Variants in CAMTA1 observed in about 807,000 individuals in gnomAD.
CAMTA1 encodes calmodulin binding transcription activator 1.
CAMTA1 carries 27 observed loss-of-function variants against 170.9 expected under a neutral mutation model. That is an observed-to-expected ratio of 0.16 (90% CI 0.12 to 0.22). The LOEUF is 0.22. Among genes scored for constraint, CAMTA1 ranks in the 10% least tolerant of loss-of-function variants. CAMTA1 has a pLI of 1.00. For missense variants in CAMTA1, 1,619 were observed against 2,217.2 expected, an observed-to-expected ratio of 0.73 and a Z score of 5.42; for synonymous variants, 833 against 891.5, an observed-to-expected ratio of 0.93 and a Z score of 1.17.
intron 5 of CAMTA1, among the ~76,000 whole-genome samples, chr1:7,264,712 C>G (rs1558327803): frequency 6.6e-6 from 1 of 152,130 alleles, no homozygotes; most frequent in East Asian, 1.9e-4. Flanking sequence ...AACTCATTAT[C>G]TTTGTTTATA....
chr1:7,758,929 T>C (rs1161803684), intron 22 of CAMTA1, among the ~76,000 whole-genome samples: 2 of 78,228 alleles, frequency 2.6e-5, no homozygotes, highest in African/African-American at 5.4e-5. Context: ...AGCGAGACTC[T>C]GTCTCAAAAA....
chr1:7,135,202 C>A (rs1645474288), intron 4 of CAMTA1, among the ~76,000 whole-genome samples: 1 of 152,086 alleles, frequency 6.6e-6, no homozygotes, highest in Non-Finnish European at 1.5e-5. Flanking sequence ...GCCCGGCCAT[C>A]ATGGTGAAAC....
At chr1:7,342,065 ATT>A (rs1187377182) in intron 5 of CAMTA1, among the ~76,000 whole-genome samples, 1 of 152,204 alleles carries the variant, frequency 6.6e-6, no homozygotes, top group Non-Finnish European at 1.5e-5. Context: ...TTATCACTGT[ATT>A]TTACAAATGC....
At chr1:6,866,645 A>G (rs1332477574) in intron 3 of CAMTA1, among the ~76,000 whole-genome samples, 1 of 152,232 alleles carries the variant, frequency 6.6e-6, no homozygotes, top group Non-Finnish European at 1.5e-5. Flanking sequence ...GGAAGAAAAA[A>G]ATTTAAGCAT....
At chr1:7,737,186 C>T in intron 14 of CAMTA1, 69 bp from the exon 15 acceptor site, 1 of 1,507,634 alleles carries the variant, frequency 6.6e-7, no homozygotes, top group Non-Finnish European at 9.1e-7. Context: ...CAGTTGGCAG[C>T]AATGGCAAAA....
intron 3 of CAMTA1, among the ~76,000 whole-genome samples, chr1:7,037,506 A>C (rs573260935): frequency 6.6e-5 from 10 of 152,284 alleles, no homozygotes; most frequent in Admixed American, 2.6e-4. Context: ...GCTTTATGCT[A>C]CTTCGAAAAA....
In CAMTA1 at chr1:7,738,581, G is replaced by T; in HGVS notation, c.4182+99G>T. 7.4e-7 allele frequency: 1 copy of T among 1,354,088 alleles called. No individual in the cohort carries two copies. The allele number at this position is 1,354,088 out of a possible 1,614,324, so 83.9% of individuals were successfully genotyped here. A position where few individuals can be genotyped will look rare whatever the true frequency, so the allele number is the denominator to read the frequency against. Reference sequence around the variant, plus strand: ...CGAAGGTTGTGTCATTTTCCTCCCCGTGAAGCCTTCGAAGTTGGCTTTGTG... The same window carrying T: ...CGAAGGTTGTGTCATTTTCCTCCCCTTGAAGCCTTCGAAGTTGGCTTTGTG... On this transcript the variant is annotated intron_variant, in intron 16 of 22. Coordinates refer to ENST00000303635, the MANE Select transcript of CAMTA1 (RefSeq NM_015215.4). The surrounding 1 kb of genome is among the most constrained non-coding windows in gnomAD (Gnocchi z 4.9).
rs753385495 is a variant in CAMTA1 at position 7,738,350 on chromosome 1, T to C, written c.4050T>C (p.Pro1350=). ...CCAGTGTAGGAAAGGAGGCAGCACC[T>C]TCACAGGTGCGTCCACGGGAACCAA... ...KGTSVGKEAA[P]SQVRPREPMS... Residue 1350 remains proline (P), a synonymous_variant, in exon 16 of 23, where the codon CCT becomes CCC. Coordinates refer to ENST00000303635, the MANE Select transcript of CAMTA1 (RefSeq NM_015215.4). The surrounding 1 kb of genome is among the most constrained non-coding windows in gnomAD (Gnocchi z 4.9). 3.7e-6 allele frequency: 6 copies of C among 1,614,084 alleles called. No homozygotes were observed. In the African/African-American group the frequency reaches 5.3e-5, roughly 14 times the overall value.
intron 5 of CAMTA1, among the ~76,000 whole-genome samples, chr1:7,354,384 C>T (rs1354295353): frequency 6.6e-6 from 1 of 152,004 alleles, no homozygotes; most frequent in Non-Finnish European, 1.5e-5. Context: ...CTCCCGACCT[C>T]GTGATCCGCC....
chr1:7,109,579 C>T (rs1267008625), intron 4 of CAMTA1, among the ~76,000 whole-genome samples: 5 of 152,196 alleles, frequency 3.3e-5, no homozygotes, highest in Admixed American at 3.3e-4. Context: ...CCTAACACAG[C>T]TCTCGTTTCA....
intron 3 of CAMTA1, among the ~76,000 whole-genome samples, chr1:7,022,979 T>G (rs1264863253): frequency 6.6e-6 from 1 of 152,170 alleles, no homozygotes; most frequent in African/African-American, 2.4e-5. Flanking sequence ...AGTAAACCCC[T>G]TAAGGGCTGA....
chr1:7,161,175 A>C (rs945533886), intron 4 of CAMTA1, among the ~76,000 whole-genome samples: 4 of 151,848 alleles, frequency 2.6e-5, no homozygotes, highest in African/African-American at 4.8e-5. Flanking sequence ...ATTTGTTCAC[A>C]AGGCAGCACT....
At chr1:7,355,696 T>C (rs1239062715) in intron 5 of CAMTA1, among the ~76,000 whole-genome samples, 3 of 152,240 alleles carry the variant, frequency 2.0e-5, no homozygotes, top group African/African-American at 4.8e-5. Flanking sequence ...GTGGCTTCTA[T>C]TGTGGCTGGA....
intron 22 of CAMTA1, among the ~76,000 whole-genome samples, chr1:7,764,833 G>A (rs920334061): frequency 3.9e-5 from 6 of 151,988 alleles, no homozygotes; most frequent in African/African-American, 7.2e-5. Flanking sequence ...GGTGGTGCGT[G>A]CCTGTAATCC....
At chr1:6,862,163 A>G (rs757262254) in intron 3 of CAMTA1, among the ~76,000 whole-genome samples, 1 of 151,988 alleles carries the variant, frequency 6.6e-6, no homozygotes, top group Non-Finnish European at 1.5e-5. Context: ...GGATTTCACC[A>G]TGTTGGCCAT....
chr1:6,803,953 C>T (rs868223633), intron 1 of CAMTA1, among the ~76,000 whole-genome samples: 3 of 151,840 alleles, frequency 2.0e-5, no homozygotes, highest in East Asian at 1.9e-4. Flanking sequence ...GAGGCTGAGG[C>T]GGGTGGATCT....
chr1:7,330,276 G>A (rs187388810), intron 5 of CAMTA1, among the ~76,000 whole-genome samples: 1 of 152,300 alleles, frequency 6.6e-6, no homozygotes, highest in Non-Finnish European at 1.5e-5. Flanking sequence ...GACACCAGAT[G>A]GCCAGCCCCC....
intron 7 of CAMTA1, among the ~76,000 whole-genome samples, chr1:7,647,684 A>G (rs1343723035): frequency 6.6e-6 from 1 of 152,130 alleles, no homozygotes; most frequent in Non-Finnish European, 1.5e-5. Flanking sequence ...GTCGATCCTG[A>G]TCCAGTATCA....
chr1:6,788,578 G>A (rs775299798), intron 1 of CAMTA1, among the ~76,000 whole-genome samples: 1 of 152,116 alleles, frequency 6.6e-6, no homozygotes, highest in Non-Finnish European at 1.5e-5. Context: ...GTATTTTTAG[G>A]GGGTGTTATT....
Sources: gnomAD v4.1 joint callset for allele counts (sites outside exome capture counted in the v4.1 genomes callset) on GRCh38, gnomAD v4.1.1 for gene constraint, Gnocchi (gnomAD v3.1) non-coding constraint, MANE v1.5 for transcripts, NCBI Gene and HGNC (gene_info 2026-07-23, HGNC 2026-07-21) for gene names.